The following NPNT variants were observed in gnomAD, a reference collection of about 807,000 sequenced individuals.
The protein encoded by NPNT is preosteoblast EGF-like repeat protein with MAM domain.
Under a neutral mutation model 68.6 loss-of-function variants are expected in NPNT, and 45 were observed. The observed-to-expected ratio is 0.66, with a 90% CI of 0.52 to 0.84. NPNT has a LOEUF of 0.84. Ranked by LOEUF, NPNT falls within the 40% of genes least tolerant of loss-of-function variation. The probability of loss-of-function intolerance (pLI) is 0.00; values close to 1 mark genes in which losing one functional copy is unlikely to be tolerated. For synonymous variants in NPNT, 233 were observed against 253.3 expected (o/e 0.92, Z 0.76); for missense variants, 672 against 714.8 (o/e 0.94, Z 0.68).
chr4:105,906,618 G>A (rs538494768), intron 2 of NPNT, among the ~76,000 whole-genome samples: 2 of 152,306 alleles, frequency 1.3e-5, no homozygotes, highest in Admixed American at 1.3e-4. Context: ...ACAATGTTCT[G>A]AAGTTTGCTG....
chr4:105,927,044 A>T (rs4511999), intron 2 of NPNT: 165,577 of 189,456 alleles, frequency 0.87, 73,139 homozygotes, highest in East Asian at 1. Context: ...ATGAATAAAT[A>T]TCAGTTATGC....
At chr4:105,959,154 G>A in intron 10 of NPNT, 28 bp downstream of exon 10, 5 of 1,418,680 alleles carry the variant, frequency 3.5e-6, no homozygotes, top group Non-Finnish European at 5.0e-6. Context: ...AACTTTTTCT[G>A]GTACACATTT....
intron 1 of NPNT, among the ~76,000 whole-genome samples, chr4:105,896,674 G>C (rs1725881998): frequency 6.6e-6 from 1 of 152,122 alleles, no homozygotes; most frequent in Admixed American, 6.5e-5. Context: ...TGCCGCACCT[G>C]TTTTACCTTT....
Position 105,938,407 on chromosome 4 carries a change from G to A in NPNT, c.492G>A (p.Gly164=), listed in dbSNP as rs1049489388. ...PSPGLQLAPD[G]RTCVDVDECA... ...CTGGCCTGCAGCTGGCTCCTGATGG[G>A]AGGACCTGTGTAGGTGAGTTGTAAA... Residue 164 remains glycine, a synonymous_variant, in exon 5 of 12, where the codon GGG becomes GGA. Coordinates refer to ENST00000379987, the MANE Select transcript of NPNT (RefSeq NM_001033047.3). The A allele has an allele frequency of 6.2e-7, 1 of 1,613,572 alleles. No individual in the cohort carries two copies. Among genetic ancestry groups the A allele is most frequent in the Non-Finnish European group, 8.5e-7 (1 of 1,179,702 alleles).
chr4:105,914,369 C>CTATA (rs1169474368), intron 2 of NPNT, among the ~76,000 whole-genome samples: 1 of 133,080 alleles, frequency 7.5e-6, no homozygotes, highest in African/African-American at 2.8e-5. Context: ...CTCTCTCTCT[C>CTATA]TCTCTATATA....
intron 3 of NPNT, among the ~76,000 whole-genome samples, chr4:105,936,390 A>G (rs557419799): frequency 6.6e-6 from 1 of 152,324 alleles, no homozygotes; most frequent in East Asian, 1.9e-4. Context: ...TACAATATTG[A>G]TCACTCTTAA....
intron 10 of NPNT, 35 bp downstream of exon 10, chr4:105,959,161 A>G (rs1731484370): frequency 2.3e-6 from 3 of 1,320,426 alleles, no homozygotes; most frequent in African/African-American, 1.4e-5. Context: ...TCTGGTACAC[A>G]TTTCAATGTG....
intron 3 of NPNT, chr4:105,932,676 C>G (rs1448723872): frequency 1.3e-6 from 2 of 1,535,916 alleles, no homozygotes; most frequent in Non-Finnish European, 1.7e-6. Flanking sequence ...ACCCCTGGAT[C>G]ACCAAGCCAC....
chr4:105,933,793 C>G (rs1176282251), intron 3 of NPNT, among the ~76,000 whole-genome samples: 1 of 152,048 alleles, frequency 6.6e-6, no homozygotes, highest in African/African-American at 2.4e-5. Context: ...CATTCTGGAC[C>G]AGTTCCCTTC....
At chr4:105,919,502 T>G (rs1477977954) in intron 2 of NPNT, among the ~76,000 whole-genome samples, 1 of 152,172 alleles carries the variant, frequency 6.6e-6, no homozygotes, top group Non-Finnish European at 1.5e-5. Flanking sequence ...TTTTTCTTTT[T>G]GATCCAGATC....
Position 105,901,357 on chromosome 4 carries a change from A to G in NPNT, c.172+3356A>G, listed in dbSNP as rs182044298. Among the ~76,000 whole-genome samples, 94 of 152,346 alleles carry G rather than the reference A, an allele frequency of 6.2e-4. 1 individual carries two copies. In the East Asian group the frequency reaches 0.018, roughly 29 times the overall value. Reference sequence around the variant, plus strand: ...TATTTCCAAGGTATGTTGAAGCTCTAAACTGCAACTGAAAACTTCCTTAAT... The same window carrying G: ...TATTTCCAAGGTATGTTGAAGCTCTGAACTGCAACTGAAAACTTCCTTAAT... On this transcript the variant is annotated intron_variant, in intron 2 of 11. Coordinates refer to ENST00000379987, the MANE Select transcript of NPNT (RefSeq NM_001033047.3).
At chr4:105,966,008 G>A (rs558670698) in intron 10 of NPNT, among the ~76,000 whole-genome samples, 2 of 96,982 alleles carry the variant, frequency 2.1e-5, no homozygotes, top group East Asian at 9.4e-4. Context: ...GCTCCGACGG[G>A]ACTTGTTAGA....
chr4:105,928,565 A>G (rs1478080483), intron 3 of NPNT, among the ~76,000 whole-genome samples: 1 of 149,484 alleles, frequency 6.7e-6, no homozygotes, highest in Non-Finnish European at 1.5e-5. Flanking sequence ...GTGAGCCAAG[A>G]TTGCACCATT....
intron 2 of NPNT, among the ~76,000 whole-genome samples, chr4:105,911,329 TTTC>T: frequency 6.6e-6 from 1 of 152,168 alleles, no homozygotes; most frequent in East Asian, 1.9e-4. Flanking sequence ...TTAGAATTTT[TTTC>T]TTCTTATATT....
chr4:105,909,022 C>T (rs1365158039), intron 2 of NPNT, among the ~76,000 whole-genome samples: 1 of 152,094 alleles, frequency 6.6e-6, no homozygotes, highest in Non-Finnish European at 1.5e-5. Flanking sequence ...TGTTTAGTGC[C>T]TCCTATTTTA....
chr4:105,910,993 A>G (rs1313859598), intron 2 of NPNT, among the ~76,000 whole-genome samples: 1 of 152,150 alleles, frequency 6.6e-6, no homozygotes, highest in Non-Finnish European at 1.5e-5. Context: ...TTGGCAATTA[A>G]AGAATATTAA....
At position 105,942,136 on chromosome 4, in the gene NPNT, T is replaced by TATATATATATATATATAGAC. The variant is rs140603677; in HGVS notation, c.764-170_764-169insTATATATATATATATAGACA. The stretch of plus-strand genomic sequence containing the variant: ...GTGTGTATATATATATATATATATA[T>TATATATATATATATATAGAC]ACACACATATATATTTGTTATTTGG... On this transcript the variant is annotated intron_variant, in intron 7 of 11. Transcript: ENST00000379987. Among the ~76,000 whole-genome samples the TATATATATATATATATAGAC allele has an allele frequency of 2.0e-3, 288 of 147,678 alleles. 1 individual carries two copies. Among genetic ancestry groups the TATATATATATATATATAGAC allele is most frequent in the African/African-American group, 6.8e-3 (267 of 39,486 alleles).
intron 2 of NPNT, among the ~76,000 whole-genome samples, chr4:105,923,091 A>G (rs1263792029): frequency 6.6e-6 from 1 of 152,194 alleles, no homozygotes; most frequent in East Asian, 1.9e-4. Context: ...AAAATGGATC[A>G]TTTATACTTT....
chr4:105,923,924 G>A (rs982638129), intron 2 of NPNT, among the ~76,000 whole-genome samples: 1 of 151,900 alleles, frequency 6.6e-6, no homozygotes, highest in Admixed American at 6.6e-5. Flanking sequence ...AATCCAGCTG[G>A]CCTTTTGTGA....
Sources: gnomAD v4.1 joint callset for allele counts (sites outside exome capture counted in the v4.1 genomes callset) on GRCh38, gnomAD v4.1.1 for gene constraint, MANE v1.5 for transcripts, NCBI Gene and HGNC (gene_info 2026-07-23, HGNC 2026-07-21) for gene names.